CDKL4: variants seen among roughly 807,000 people sequenced by gnomAD.
CDKL4 encodes the protein cyclin-dependent kinase-like 4.
CDKL4 carries 44 observed loss-of-function variants against 42.0 expected under a neutral mutation model. The ratio of observed to expected loss-of-function variants is 1.05; its 90% CI spans 0.82 to 1.35. The LOEUF (loss-of-function observed/expected upper bound fraction) is 1.35. Ranked by LOEUF, CDKL4 falls within the 40% of genes most tolerant of loss-of-function variation. CDKL4 has a pLI of 0.00. For synonymous variants in CDKL4, 120 were observed against 121.6 expected (o/e 0.99, Z 0.09); for missense variants, 393 against 369.9 (o/e 1.06, Z -0.51).
chr2:39,201,458 C>T (rs1676842701), intron 5 of CDKL4, among the ~76,000 whole-genome samples: 1 of 151,712 alleles, frequency 6.6e-6, no homozygotes, highest in Non-Finnish European at 1.5e-5. Context: ...ATCCAGCAGC[C>T]CCACTCCTGG....
chr2:39,209,110 G>A (rs1437484136), intron 4 of CDKL4, among the ~76,000 whole-genome samples: 1 of 150,602 alleles, frequency 6.6e-6, no homozygotes, highest in Non-Finnish European at 1.5e-5. Flanking sequence ...AGACCACCCT[G>A]GGCAACACAA....
At chr2:39,205,105 C>T (rs1459965606) in intron 4 of CDKL4, among the ~76,000 whole-genome samples, 3 of 151,766 alleles carry the variant, frequency 2.0e-5, no homozygotes, top group Admixed American at 6.6e-5. Context: ...ATTTGAGCCT[C>T]GAAGGTTGAG....
chr2:39,243,113 C>CAAAAAAAAA (rs57132937), intron 1 of CDKL4, among the ~76,000 whole-genome samples: 2 of 38,442 alleles, frequency 5.2e-5, no homozygotes, highest in African/African-American at 1.4e-4. Flanking sequence ...GACCCTGTCT[C>CAAAAAAAAA]AAAAAAAAAA....
upstream of CDKL4, among the ~76,000 whole-genome samples, chr2:39,243,983 A>T (rs1478593154): frequency 2.0e-5 from 3 of 152,214 alleles, no homozygotes; most frequent in Non-Finnish European, 2.9e-5. Context: ...CTTCGGAGCC[A>T]GCGGAACCGC....
intron 1 of CDKL4, among the ~76,000 whole-genome samples, chr2:39,234,030 C>T (rs906379337): frequency 1.3e-5 from 2 of 151,444 alleles, no homozygotes; most frequent in African/African-American, 2.4e-5. Context: ...TCTCCTGCCT[C>T]CGCCTCCTGA....
At chr2:39,232,394 T>A (rs1446141714) in intron 1 of CDKL4, among the ~76,000 whole-genome samples, 1 of 152,190 alleles carries the variant, frequency 6.6e-6, no homozygotes, top group Non-Finnish European at 1.5e-5. Flanking sequence ...GAGGCAGTAA[T>A]TCCTACTCTC....
At chr2:39,204,292 C>G (rs757353627) in intron 5 of CDKL4, among the ~76,000 whole-genome samples, 1 of 152,206 alleles carries the variant, frequency 6.6e-6, no homozygotes, top group South Asian at 2.1e-4. Context: ...TTTTAGAAAT[C>G]TTTTCCTTTC....
intron 4 of CDKL4, among the ~76,000 whole-genome samples, chr2:39,212,739 A>T (rs1677664667): frequency 6.6e-6 from 1 of 152,072 alleles, no homozygotes; most frequent in Admixed American, 6.5e-5. Flanking sequence ...AGCTCACTGC[A>T]ACCTCTGCCT....
At chr2:39,184,469 T>C (rs1675610019) in intron 8 of CDKL4, 122 bp downstream of exon 8, 3 of 628,196 alleles carry the variant, frequency 4.8e-6, no homozygotes, top group Non-Finnish European at 2.8e-6. Context: ...CAGTTCTTTA[T>C]CATTTTCAAT....
downstream of CDKL4, among the ~76,000 whole-genome samples, chr2:39,171,371 C>T (rs1460967606): frequency 5.3e-5 from 8 of 152,200 alleles, no homozygotes; most frequent in African/African-American, 1.9e-4. Flanking sequence ...TCTTCATCCC[C>T]CAAGAACTTA....
chr2:39,223,546 G>C (rs1400048470), intron 3 of CDKL4, among the ~76,000 whole-genome samples: 1 of 143,440 alleles, frequency 7.0e-6, no homozygotes, highest in Non-Finnish European at 1.5e-5. Flanking sequence ...GGAAGGATAA[G>C]CATGTTTTCT....
intron 4 of CDKL4, 79 bp downstream of exon 4, chr2:39,213,321 C>G (rs538586093): frequency 1.0e-6 from 1 of 984,266 alleles, no homozygotes; most frequent in Admixed American, 2.1e-5. Flanking sequence ...CTTCAGCTCT[C>G]CAAACAAAAC....
chr2:39,226,456 T>TTATATATATTA (rs1553393160), intron 2 of CDKL4, among the ~76,000 whole-genome samples: 41 of 137,422 alleles, frequency 3.0e-4, no homozygotes, highest in South Asian at 4.3e-4. Context: ...TATATATATA[T>TTATATATATTA]TATATATATT....
At chr2:39,170,337 C>T in the CDKL4 span, among the ~76,000 whole-genome samples, 1 of 136,118 alleles carries the variant, frequency 7.3e-6, no homozygotes, top group East Asian at 2.2e-4. Flanking sequence ...AAAGATAAAA[C>T]AAACAAACAC....
At chr2:39,186,181 T>A (rs79590613) in intron 7 of CDKL4, among the ~76,000 whole-genome samples, 3,519 of 152,284 alleles carry the variant, frequency 0.023, 48 homozygotes, top group Middle Eastern at 0.027. Context: ...CAGTTCAACC[T>A]TTAACCTTAT....
At chr2:39,215,470 A>C (rs1202372971) in intron 3 of CDKL4, among the ~76,000 whole-genome samples, 2 of 152,188 alleles carry the variant, frequency 1.3e-5, no homozygotes, top group East Asian at 3.8e-4. Context: ...TATATTTTTC[A>C]AAAATCTGAA....
intron 1 of CDKL4, among the ~76,000 whole-genome samples, chr2:39,231,525 G>A (rs1244855281): frequency 2.0e-5 from 3 of 152,068 alleles, no homozygotes; most frequent in African/African-American, 4.8e-5. Flanking sequence ...CTTTTTTGAG[G>A]GGGAATGAAT....
chr2:39,172,339 G>A (rs558905279), downstream of CDKL4, among the ~76,000 whole-genome samples: 388 of 151,576 alleles, frequency 2.6e-3, no homozygotes, highest in Non-Finnish European at 4.3e-3. Context: ...AAAAGAAAAA[G>A]AAAAAGAAAA....
At chr2:39,226,585 C>T (rs867546053) in intron 2 of CDKL4, among the ~76,000 whole-genome samples, 15 of 151,110 alleles carry the variant, frequency 9.9e-5, no homozygotes, top group African/African-American at 3.4e-4. Context: ...TTTCACAAGA[C>T]AGCCTCTGTT....
Sources: allele counts gnomAD v4.1 joint callset (sites outside exome capture counted in the v4.1 genomes callset), GRCh38; gene constraint gnomAD v4.1.1; transcripts MANE v1.5; gene names NCBI Gene and HGNC (gene_info 2026-07-23, HGNC 2026-07-21).